Variants in CYP7B1 observed in about 807,000 individuals in gnomAD.
The protein encoded by CYP7B1 is cytochrome P450 7B1.
CYP7B1 carries 29 observed loss-of-function variants against 42.7 expected under a neutral mutation model. That is an observed-to-expected ratio of 0.68 (90% CI 0.51 to 0.93). The LOEUF (loss-of-function observed/expected upper bound fraction) is 0.93. Among genes scored for constraint, CYP7B1 ranks in the 40% least tolerant of loss-of-function variants. The probability of loss-of-function intolerance (pLI) is 0.00; values close to 1 mark genes in which losing one functional copy is unlikely to be tolerated. For synonymous variants in CYP7B1, 235 were observed against 218.2 expected, an observed-to-expected ratio of 1.08 and a Z score of -0.68; for missense variants, 655 against 600.5, an observed-to-expected ratio of 1.09 and a Z score of -0.95.
intron 1 of CYP7B1, among the ~76,000 whole-genome samples, chr8:64,666,596 C>A (rs1668951908): frequency 1.3e-5 from 2 of 152,172 alleles, no homozygotes; most frequent in Admixed American, 1.3e-4. Context: ...CAGAAAACAG[C>A]TTGCCACAGT....
At chr8:64,673,098 G>C (rs962846228) in intron 1 of CYP7B1, among the ~76,000 whole-genome samples, 1 of 152,070 alleles carries the variant, frequency 6.6e-6, no homozygotes, top group Non-Finnish European at 1.5e-5. Context: ...CTCCCCCTTT[G>C]CTCTAGTCTT....
intron 5 of CYP7B1, 114 bp downstream of exon 5, chr8:64,604,568 A>C: frequency 1.8e-6 from 2 of 1,103,122 alleles, no homozygotes; most frequent in Non-Finnish European, 1.4e-6. Flanking sequence ...AGAAGCCATC[A>C]AGCTGCCTCA....
intron 1 of CYP7B1, among the ~76,000 whole-genome samples, chr8:64,649,003 A>G (rs1216169996): frequency 6.6e-6 from 1 of 152,170 alleles, no homozygotes; most frequent in African/African-American, 2.4e-5. Context: ...AATAATATTA[A>G]ATTTATCATC....
chr8:64,606,571 T>C (rs1805285538), intron 4 of CYP7B1, among the ~76,000 whole-genome samples: 1 of 152,224 alleles, frequency 6.6e-6, no homozygotes, highest in African/African-American at 2.4e-5. Context: ...TCTGATTGGC[T>C]GATGTGCTCT....
intron 5 of CYP7B1, 134 bp from the exon 6 acceptor site, chr8:64,597,063 G>A (rs1042133801): frequency 3.0e-5 from 21 of 704,824 alleles, no homozygotes; most frequent in Non-Finnish European, 4.7e-5. Flanking sequence ...AAACTTGGCT[G>A]AGTGCAAATT....
At chr8:64,621,223 T>G (rs1485962035) in intron 2 of CYP7B1, among the ~76,000 whole-genome samples, 3 of 152,204 alleles carry the variant, frequency 2.0e-5, no homozygotes, top group Admixed American at 2.0e-4. Context: ...CCAATATTCG[T>G]TGAGAATCAG....
chr8:64,754,696 G>A (rs1301131647), intron 1 of CYP7B1, among the ~76,000 whole-genome samples: 1 of 152,150 alleles, frequency 6.6e-6, no homozygotes, highest in Non-Finnish European at 1.5e-5. Context: ...GGATGGAGGT[G>A]CAGCTACAAA....
rs757503820 is a variant in CYP7B1 at position 64,771,047 on chromosome 8, C to CTTTTTTTTTTTTTTTTTTTTTT, written c.122+27397_122+27418dup. 4.9e-4 allele frequency among the ~76,000 whole-genome samples: 21 copies of CTTTTTTTTTTTTTTTTTTTTTT among 42,504 alleles called. 5 individuals are homozygous for CTTTTTTTTTTTTTTTTTTTTTT. Among genetic ancestry groups the CTTTTTTTTTTTTTTTTTTTTTT allele is most frequent in the African/African-American group, 1.4e-3 (17 of 12,022 alleles). The allele number at this position is 42,504 out of a possible 152,430, so 27.9% of individuals were successfully genotyped here. A position where few individuals can be genotyped will look rare whatever the true frequency, so the allele number is the denominator to read the frequency against. ...AATCTCAAGAGTGGGATATCAGCATCTTTTTTTTTTTTTTTTTTTTTTTTT... is the reference window on the plus strand; with the variant it reads ...AATCTCAAGAGTGGGATATCAGCATCTTTTTTTTTTTTTTTTTTTTTTTTTTTTTTTTTTTTTTTTTTTTTTT... On this transcript the variant is annotated intron_variant, in intron 1 of 5. Transcript: ENST00000310193.
At chr8:64,751,173 TA>T (rs1161623063) in intron 1 of CYP7B1, among the ~76,000 whole-genome samples, 1 of 152,184 alleles carries the variant, frequency 6.6e-6, no homozygotes, top group Non-Finnish European at 1.5e-5. Context: ...AGACAATTTT[TA>T]AAAGAGAGAT....
In CYP7B1 at chr8:64,591,582, A is replaced by G. The variant is rs1349362127; in HGVS notation, c.*5060T>C. ...GAAAATTACCCAAATTATTTTTATG[A>G]TAAAATAAGCATTAAAAATGTAGAT... On this transcript the variant is annotated 3_prime_UTR_variant, in exon 6 of 6. Coordinates refer to ENST00000310193, the MANE Select transcript of CYP7B1 (RefSeq NM_004820.5). 2.0e-5 allele frequency among the ~76,000 whole-genome samples: 3 copies of G among 152,226 alleles called. No homozygotes were observed. The highest frequency in any genetic ancestry group is 4.8e-5 in the African/African-American group (2 of 41,464).
At chr8:64,792,709 C>G (rs1220012073) in intron 1 of CYP7B1, among the ~76,000 whole-genome samples, 2 of 152,050 alleles carry the variant, frequency 1.3e-5, no homozygotes, top group Non-Finnish European at 2.9e-5. Context: ...GAATTTTACC[C>G]CCAAGATGGA....
intron 5 of CYP7B1, among the ~76,000 whole-genome samples, chr8:64,602,086 T>C (rs1245428084): frequency 6.6e-6 from 1 of 152,212 alleles, no homozygotes; most frequent in Admixed American, 6.5e-5. Flanking sequence ...GTGTACAGCT[T>C]CCTGTGTGCT....
At chr8:64,781,737 A>G (rs1417153816) in intron 1 of CYP7B1, among the ~76,000 whole-genome samples, 1 of 152,120 alleles carries the variant, frequency 6.6e-6, no homozygotes, top group East Asian at 1.9e-4. Context: ...CTGCAACCTT[A>G]ATTCCCCTTT....
chr8:64,669,040 G>A (rs1035546250), intron 1 of CYP7B1, among the ~76,000 whole-genome samples: 6 of 152,010 alleles, frequency 3.9e-5, no homozygotes, highest in African/African-American at 1.4e-4. Context: ...CCATTTTGTA[G>A]GTATTAGCTT....
intron 1 of CYP7B1, among the ~76,000 whole-genome samples, chr8:64,688,922 T>C (rs1806697479): frequency 6.6e-6 from 1 of 152,146 alleles, no homozygotes; most frequent in African/African-American, 2.4e-5. Context: ...CGAGACCCCA[T>C]CTCAAAAATA....
intron 1 of CYP7B1, among the ~76,000 whole-genome samples, chr8:64,646,392 C>T (rs968805914): frequency 7.2e-5 from 11 of 152,170 alleles, no homozygotes; most frequent in African/African-American, 2.2e-4. Context: ...GGGTGAAGGA[C>T]ATGAGCAGAC....
At chr8:64,603,330 G>A (rs2129629910) in intron 5 of CYP7B1, among the ~76,000 whole-genome samples, 1 of 152,246 alleles carries the variant, frequency 6.6e-6, no homozygotes, top group Middle Eastern at 3.4e-3. Context: ...AGAAATAGGA[G>A]TCCAAAGCAC....
At chr8:64,678,881 C>T (rs561805980) in intron 1 of CYP7B1, among the ~76,000 whole-genome samples, 15 of 147,744 alleles carry the variant, frequency 1.0e-4, no homozygotes, top group African/African-American at 3.7e-4. Context: ...AACATCAATG[C>T]TGTGTGTGTG....
rs554645008 is a variant in CYP7B1 at position 64,736,573 on chromosome 8, C to T, written c.122+61893G>A. On this transcript the variant is annotated intron_variant, in intron 1 of 5. Transcript: ENST00000310193. ...TCAAGCAATTCTCCTGCCTTAGCCT[C>T]CCAAGTAGCTGGGACTACAGGTGCC... 5.4e-4 allele frequency among the ~76,000 whole-genome samples: 82 copies of T among 152,268 alleles called. No individual in the cohort carries two copies. In the Middle Eastern group the frequency reaches 0.017, roughly 32 times the overall value.
Sources: allele counts gnomAD v4.1 joint callset (sites outside exome capture counted in the v4.1 genomes callset), GRCh38; gene constraint gnomAD v4.1.1; transcripts MANE v1.5; gene names NCBI Gene and HGNC (gene_info 2026-07-23, HGNC 2026-07-21).